The following CA10 variants were observed in gnomAD, a reference collection of about 807,000 sequenced individuals.
CA10 encodes the protein carbonic anhydrase-related protein 10.
Under a neutral mutation model 44.2 loss-of-function variants are expected in CA10, and 14 were observed. The ratio of observed to expected loss-of-function variants is 0.32; its 90% confidence interval spans 0.21 to 0.50. The LOEUF is 0.50. Ranked by LOEUF, CA10 falls within the 20% of genes least tolerant of loss-of-function variation. The probability of loss-of-function intolerance (pLI) is 0.99; values close to 1 mark genes in which losing one functional copy is unlikely to be tolerated. For missense variants in CA10, 350 were observed against 409.7 expected (o/e 0.85, Z 1.26); for synonymous variants, 159 against 141.6 (o/e 1.12, Z -0.87).
chr17:51,846,358 T>C (rs1203160579), intron 3 of CA10, among the ~76,000 whole-genome samples: 3 of 152,332 alleles, frequency 2.0e-5, no homozygotes, highest in African/African-American at 7.2e-5. Context: ...CTTGGGTGAA[T>C]AGACAAGCTC....
intron 4 of CA10, among the ~76,000 whole-genome samples, chr17:51,701,936 GC>G (rs1915617502): frequency 6.6e-6 from 1 of 152,116 alleles, no homozygotes; most frequent in Non-Finnish European, 1.5e-5. Flanking sequence ...ACCCCATCCT[GC>G]CCTGGGTCTT....
chr17:52,148,849 C>T (rs1009686005), intron 1 of CA10, among the ~76,000 whole-genome samples: 23 of 152,170 alleles, frequency 1.5e-4, no homozygotes, highest in African/African-American at 5.5e-4. Flanking sequence ...TATCTTATGC[C>T]TGGCCCAGTG....
chr17:51,983,957 G>A (rs1041496224), intron 2 of CA10, among the ~76,000 whole-genome samples: 5 of 151,654 alleles, frequency 3.3e-5, no homozygotes. Flanking sequence ...GTTCTTTTTG[G>A]CAAATATTTC....
At chr17:51,759,979 A>G (rs192770733) in intron 3 of CA10, among the ~76,000 whole-genome samples, 322 of 152,370 alleles carry the variant, frequency 2.1e-3, no homozygotes, top group Middle Eastern at 6.8e-3. Context: ...TTTAATTAAC[A>G]TACTAAAACT....
At chr17:51,865,136 A>G (rs958697889) in intron 3 of CA10, among the ~76,000 whole-genome samples, 1 of 152,174 alleles carries the variant, frequency 6.6e-6, no homozygotes, top group African/African-American at 2.4e-5. Context: ...TGACTGGTAT[A>G]CATCAAATTG....
At chr17:51,963,404 A>G (rs1047437200) in intron 2 of CA10, among the ~76,000 whole-genome samples, 1 of 152,192 alleles carries the variant, frequency 6.6e-6, no homozygotes, top group African/African-American at 2.4e-5. Context: ...TCTAGATACA[A>G]GAAATCCAGA....
intron 2 of CA10, among the ~76,000 whole-genome samples, chr17:52,006,718 C>T (rs993960950): frequency 6.6e-6 from 1 of 151,748 alleles, no homozygotes; most frequent in African/African-American, 2.4e-5. Flanking sequence ...TGAGATTTTT[C>T]AGTGTTGATA....
At chr17:51,871,522 G>T (rs1444817054) in intron 3 of CA10, among the ~76,000 whole-genome samples, 1 of 149,438 alleles carries the variant, frequency 6.7e-6, no homozygotes, top group Non-Finnish European at 1.5e-5. Context: ...TTACAGATGT[G>T]AGCCATCGCG....
At chr17:52,033,248 T>G (rs1034071656) in intron 2 of CA10, among the ~76,000 whole-genome samples, 3 of 152,262 alleles carry the variant, frequency 2.0e-5, no homozygotes, top group Non-Finnish European at 1.5e-5. Flanking sequence ...AGAAAACAAT[T>G]AGAAGATTTC....
At chr17:51,931,371 G>A (rs1243669594) in intron 2 of CA10, among the ~76,000 whole-genome samples, 1 of 152,200 alleles carries the variant, frequency 6.6e-6, no homozygotes, top group East Asian at 1.9e-4. Flanking sequence ...CACTCATCCT[G>A]CAGTTTCTTT....
chr17:51,787,049 C>T (rs1457541657), intron 3 of CA10, among the ~76,000 whole-genome samples: 3 of 152,108 alleles, frequency 2.0e-5, no homozygotes, highest in Non-Finnish European at 4.4e-5. Context: ...TATGATCTTT[C>T]TAATATACTG....
intron 3 of CA10, chr17:51,748,439 A>T: frequency 5.1e-6 from 5 of 980,294 alleles, no homozygotes; most frequent in Non-Finnish European, 6.1e-6. Flanking sequence ...CTTATTCCTG[A>T]TTCCATCTTG....
At chr17:52,088,656 A>G (rs1230622661) in intron 1 of CA10, among the ~76,000 whole-genome samples, 2 of 152,236 alleles carry the variant, frequency 1.3e-5, no homozygotes, top group Admixed American at 1.3e-4. Flanking sequence ...TAATCTTTCA[A>G]GGAACAAAGG....
intron 2 of CA10, among the ~76,000 whole-genome samples, chr17:52,064,599 AC>A (rs1987483302): frequency 6.6e-6 from 1 of 151,980 alleles, no homozygotes; most frequent in Non-Finnish European, 1.5e-5. Flanking sequence ...ATTTTGATAA[AC>A]AATTAGACAT....
chr17:51,870,522 TC>T (rs1443807889), intron 3 of CA10, among the ~76,000 whole-genome samples: 1 of 152,130 alleles, frequency 6.6e-6, no homozygotes, highest in African/African-American at 2.4e-5. Flanking sequence ...AATAAAACAG[TC>T]CATAAAAGCT....
intron 3 of CA10, among the ~76,000 whole-genome samples, chr17:51,797,440 T>G (rs1906756475): frequency 6.6e-6 from 1 of 152,132 alleles, no homozygotes; most frequent in Non-Finnish European, 1.5e-5. Context: ...CAGTCGTTCT[T>G]AAACTTGACT....
intron 2 of CA10, among the ~76,000 whole-genome samples, chr17:52,039,906 G>T (rs975270736): frequency 1.3e-5 from 2 of 151,992 alleles, no homozygotes; most frequent in African/African-American, 4.8e-5. Flanking sequence ...TACATTCTAT[G>T]TTATTCAGGA....
At chr17:51,778,556 G>T (rs1905920084) in intron 3 of CA10, among the ~76,000 whole-genome samples, 1 of 152,212 alleles carries the variant, frequency 6.6e-6, no homozygotes, top group Admixed American at 6.5e-5. Context: ...AGATGGGATT[G>T]CAGAAAACAC....
chr17:51,918,745 T>C (rs1371520385), intron 3 of CA10, among the ~76,000 whole-genome samples: 4 of 152,318 alleles, frequency 2.6e-5, no homozygotes, highest in Middle Eastern at 3.4e-3. Context: ...GTTTGCTCTA[T>C]GAGAAAAACA....
Sources: gnomAD v4.1 joint callset for allele counts (sites outside exome capture counted in the v4.1 genomes callset) on GRCh38, gnomAD v4.1.1 for gene constraint, MANE v1.5 for transcripts, NCBI Gene and HGNC (gene_info 2026-07-23, HGNC 2026-07-21) for gene names.